Variants in ITPA observed in about 807,000 individuals in gnomAD.
ITPA encodes the protein inosine triphosphatase.
ITPA carries 29 observed loss-of-function variants against 29.6 expected under a neutral mutation model. The ratio of observed to expected loss-of-function variants is 0.98; its 90% confidence interval spans 0.73 to 1.34. ITPA has a LOEUF of 1.34. Among genes scored for constraint, ITPA ranks in the 40% most tolerant of loss-of-function variants. The pLI, the probability that ITPA is intolerant of heterozygous loss-of-function variation, is 0.00. For missense variants in ITPA, 241 were observed against 251.5 expected (o/e 0.96, Z 0.28); for synonymous variants, 103 against 99.3 (o/e 1.04, Z -0.22).
At chr20:3,204,395 C>G (rs111988598), upstream of ITPA, 1 of 813,562 alleles carries the variant, frequency 1.2e-6, no homozygotes, top group Non-Finnish European at 1.9e-6. Flanking sequence ...AAGCCCCACC[C>G]GGCACACGAC....
intron 1 of ITPA, 73 bp from the exon 2 acceptor site, chr20:3,213,096 G>A (rs974642323): frequency 1.4e-6 from 2 of 1,427,292 alleles, no homozygotes; most frequent in African/African-American, 2.8e-5. Context: ...GATGAGAAAG[G>A]CGGATGACAG....
chr20:3,205,101 T>C (rs981906238), upstream of ITPA, among the ~76,000 whole-genome samples: 6 of 151,990 alleles, frequency 3.9e-5, no homozygotes, highest in Non-Finnish European at 7.4e-5. Context: ...CCACCCACCT[T>C]GGCCTCCCAA....
At chr20:3,204,762 T>C (rs983042178), upstream of ITPA, 2 of 801,956 alleles carry the variant, frequency 2.5e-6, no homozygotes, top group East Asian at 5.5e-5. Flanking sequence ...GAGGCTTTAA[T>C]GTCAGACATT....
In ITPA at chr20:3,212,696, G is replaced by A. The variant is rs188363354; in HGVS notation, c.67-473G>A. ...ATTGTAATGAGTTATAACAACATCT[G>A]TGATTTTAGTAGGGTTAAAAGTCAC... On this transcript the variant is annotated intron_variant, in intron 1 of 7. Transcript: ENST00000380113. 7.5e-4 allele frequency among the ~76,000 whole-genome samples: 114 copies of A among 152,280 alleles called. 1 individual carries two copies. Among genetic ancestry groups the A allele is most frequent in the Middle Eastern group, 3.4e-3 (1 of 294 alleles).
chr20:3,220,151 C>G (rs1157118991), intron 6 of ITPA, among the ~76,000 whole-genome samples: 1 of 152,084 alleles, frequency 6.6e-6, no homozygotes, highest in East Asian at 1.9e-4. Flanking sequence ...ACAGCCTCCA[C>G]CTCCCAGGCT....
upstream of ITPA, chr20:3,204,807 T>C (rs1011520130): frequency 3.4e-6 from 2 of 584,608 alleles, no homozygotes; most frequent in Non-Finnish European, 6.0e-6. Context: ...AAACCCACAA[T>C]GTTAAGAGGA....
chr20:3,218,519 C>T lies in ITPA; in HGVS notation c.298C>T (p.Leu100Phe). The T allele has an allele frequency of 6.2e-7, 1 of 1,612,924 alleles. No individual in the cohort carries two copies. The highest frequency in any genetic ancestry group is 8.5e-7 in the Non-Finnish European group (1 of 1,179,116). ...GAGCCCTCACTGCCCACCCGCAGGT[C>T]TCCACCAGCTCCTGGCCGGGTTCGA... ...WFLEKLKPEGLHQLLAGFEDK... is the reference protein window; with the variant it reads ...WFLEKLKPEGFHQLLAGFEDK... The change falls in exon 6 of 8, where the codon CTC becomes TTC. Residue 100 changes from leucine (L) to phenylalanine (F), a missense_variant and splice_region_variant. Leu to Phe is a conservative substitution (Grantham distance 22). Transcript: ENST00000380113.
chr20:3,209,710 A>T lies in ITPA; in HGVS notation c.66+93A>T. On this transcript the variant is annotated intron_variant, in intron 1 of 7. Transcript: ENST00000380113. The surrounding 1 kb of genome is among the most constrained non-coding windows in gnomAD (Gnocchi z 4.6). ...AGGAGGGAAGCACGTGGGAGGAGGCATGGAGAGAGAACAGAATTCAGCCCG... is the reference window on the plus strand; with the variant it reads ...AGGAGGGAAGCACGTGGGAGGAGGCTTGGAGAGAGAACAGAATTCAGCCCG... 9.8e-7 allele frequency: 1 copy of T among 1,018,324 alleles called. No homozygotes were observed. Among genetic ancestry groups the T allele is most frequent in the Non-Finnish European group, 1.5e-6 (1 of 659,308 alleles). 63.1% of individuals were successfully genotyped at this position (1,018,324 alleles called of 1,614,324 possible). A position where few individuals can be genotyped will look rare whatever the true frequency, so the allele number is the denominator to read the frequency against.
Position 3,217,069 on chromosome 20 carries a change from C to G in ITPA, c.296-1448C>G, listed in dbSNP as rs1418659790. ...CTAATTTTTGTATTTTTAGTAGAGA[C>G]AGGGTTTCACCACGTTGGCCATGCT... On this transcript the variant is annotated intron_variant, in intron 5 of 7. Transcript: ENST00000380113. Among the ~76,000 whole-genome samples the G allele has an allele frequency of 2.6e-5, 4 of 152,038 alleles. No individual in the cohort carries two copies. In the East Asian group the frequency reaches 7.7e-4, roughly 29 times the overall value.
chr20:3,212,193 G>A (rs1289862441), intron 1 of ITPA, among the ~76,000 whole-genome samples: 1 of 151,746 alleles, frequency 6.6e-6, no homozygotes, highest in Non-Finnish European at 1.5e-5. Flanking sequence ...AAAATACATA[G>A]GATTACAAAG....
rs2067234818 is a variant in ITPA, at chr20:3,214,057, A to C, written c.262A>C (p.Ile88Leu). 6.2e-7 allele frequency: 1 copy of C among 1,614,044 alleles called. No individual in the cohort carries two copies. Among genetic ancestry groups the C allele is most frequent in the African/African-American group, 1.3e-5 (1 of 74,934 alleles). Reference protein sequence around the residue: ...NALGGLPGPYIKWFLEKLKPE... With the variant: ...NALGGLPGPYLKWFLEKLKPE... ...CCTTGGAGGGCTCCCCGGCCCCTAC[A>C]TGTGAGTGACTACCTCCACCCCCTT... The change falls in exon 4 of 8, where the codon ATA (isoleucine) becomes CTA (leucine). Residue 88 changes from isoleucine to leucine, a missense_variant and splice_region_variant. Physicochemically the swap from Ile to Leu is conservative, Grantham distance 5. Coordinates refer to ENST00000380113, the MANE Select transcript of ITPA (RefSeq NM_033453.4).
chr20:3,221,356 G>T (rs2067458125), intron 6 of ITPA, among the ~76,000 whole-genome samples: 1 of 152,162 alleles, frequency 6.6e-6, no homozygotes, highest in South Asian at 2.1e-4. Context: ...GAAGTGGGGA[G>T]TTGGGTACCT....
chr20:3,227,253 T>G (rs1457828732), downstream of ITPA, among the ~76,000 whole-genome samples: 3 of 152,238 alleles, frequency 2.0e-5, no homozygotes, highest in Non-Finnish European at 4.4e-5. Flanking sequence ...CTCCTGGATC[T>G]TCCATGTTTC....
At position 3,221,354 on chromosome 20, in the gene ITPA, G is replaced by A. The variant is rs547099569; in HGVS notation, c.412-487G>A. 5.3e-5 allele frequency among the ~76,000 whole-genome samples: 8 copies of A among 152,238 alleles called. No individual in the cohort carries two copies. In the South Asian group the frequency reaches 1.4e-3, roughly 28 times the overall value. On this transcript the variant is annotated intron_variant, in intron 6 of 7. Transcript: ENST00000380113. The stretch of plus-strand genomic sequence containing the variant: ...CTCACTAATGTGTTCATGAAGTGGG[G>A]AGTTGGGTACCTGCTTCCTGTTGCG...
chr20:3,207,861 G>C (rs572650015), upstream of ITPA, among the ~76,000 whole-genome samples: 4 of 151,698 alleles, frequency 2.6e-5, no homozygotes, highest in East Asian at 3.9e-4. Flanking sequence ...TGGGCGTCGT[G>C]GGGGGTGCTT....
At chr20:3,224,590 G>A (rs2067537883), downstream of ITPA, among the ~76,000 whole-genome samples, 1 of 152,226 alleles carries the variant, frequency 6.6e-6, no homozygotes, top group African/African-American at 2.4e-5. Context: ...TAAATCCCCA[G>A]GAGGTGCTGC....
intron 5 of ITPA, among the ~76,000 whole-genome samples, chr20:3,216,041 G>A (rs1232712602): frequency 6.8e-6 from 1 of 147,522 alleles, no homozygotes; most frequent in Non-Finnish European, 1.5e-5. Flanking sequence ...CCCAGGCTGG[G>A]GTGCAGTGCG....
chr20:3,210,668 A>G (rs2067149967), intron 1 of ITPA, among the ~76,000 whole-genome samples: 4 of 152,182 alleles, frequency 2.6e-5, no homozygotes, highest in Admixed American at 2.6e-4. Context: ...AGGCCAGACC[A>G]GTCAGGCAGT....
At chr20:3,204,264 C>T (rs2067055346), upstream of ITPA, among the ~76,000 whole-genome samples, 1 of 152,188 alleles carries the variant, frequency 6.6e-6, no homozygotes, top group Non-Finnish European at 1.5e-5. Flanking sequence ...CCGGCCAGGG[C>T]CTCAGGCCTT....
Sources: allele counts gnomAD v4.1 joint callset (sites outside exome capture counted in the v4.1 genomes callset), GRCh38; gene constraint gnomAD v4.1.1; non-coding constraint Gnocchi (gnomAD v3.1); transcripts MANE v1.5; gene names NCBI Gene and HGNC (gene_info 2026-07-23, HGNC 2026-07-21).